The following ADAT2 variants were observed in gnomAD, a reference collection of about 807,000 sequenced individuals.
The protein encoded by ADAT2 is adenosine deaminase tRNA specific 2.
In ADAT2, 26 loss-of-function variants were observed where a neutral mutation model predicts 25.9. The ratio of observed to expected loss-of-function variants is 1.00; its 90% CI spans 0.74 to 1.39. The LOEUF (loss-of-function observed/expected upper bound fraction) is 1.39. ADAT2 is among the 40% of genes most tolerant of loss of function. ADAT2 has a pLI of 0.00. For synonymous variants in ADAT2, 76 were observed against 86.8 expected, an observed-to-expected ratio of 0.88 and a Z score of 0.69; for missense variants, 220 against 244.8, an observed-to-expected ratio of 0.90 and a Z score of 0.68.
rs894384648 is a variant in ADAT2 at position 143,426,541 on chromosome 6, A to G, written c.*1922T>C. 5 of 152,230 alleles carry G rather than the reference A, an allele frequency of 3.3e-5. No homozygotes were observed. Among genetic ancestry groups the G allele is most frequent in the African/African-American group, 1.2e-4 (5 of 41,454 alleles). 9.4% of individuals were successfully genotyped at this position (152,230 alleles called of 1,614,324 possible). A position where few individuals can be genotyped will look rare whatever the true frequency, so the allele number is the denominator to read the frequency against. ...TGTTCAGCTATGCTTCAGAATCAGG[A>G]AACACTACTTATCCATCATTCTCCA... On this transcript the variant is annotated 3_prime_UTR_variant, in exon 6 of 6. Coordinates refer to ENST00000237283, the MANE Select transcript of ADAT2 (RefSeq NM_182503.3). The surrounding 1 kb of genome is among the most constrained non-coding windows in gnomAD (Gnocchi z 4.1).
Position 143,438,690 on chromosome 6 carries a change from T to G in ADAT2, c.101A>C (p.Lys34Thr). The change falls in exon 2 of 6, where the codon AAA (lysine) becomes ACA (threonine). Residue 34 changes from lysine to threonine, a missense_variant. Transcript: ENST00000237283. ...KWMEEAMHMAKEALENTEVPV... is the reference protein window; with the variant it reads ...KWMEEAMHMATEALENTEVPV... The stretch of plus-strand genomic sequence containing the variant: ...AACTTCAGTATTTTCGAGGGCTTCT[T>G]TGGCCTGAAACACAAAGTGGAAAAT... The G allele has an allele frequency of 1.9e-6, 3 of 1,613,118 alleles. No individual in the cohort carries two copies. Among genetic ancestry groups the G allele is most frequent in the Non-Finnish European group, 2.5e-6 (3 of 1,179,206 alleles).
rs772622945 is a variant in ADAT2 at position 143,440,714 on chromosome 6, T to C, written c.97-2020A>G. Among the ~76,000 whole-genome samples, 1 of 152,132 alleles carries C rather than the reference T, an allele frequency of 6.6e-6. No homozygotes were observed. Among genetic ancestry groups the C allele is most frequent in the Non-Finnish European group, 1.5e-5 (1 of 68,020 alleles). On this transcript the variant is annotated intron_variant, in intron 1 of 5. Transcript: ENST00000237283. The surrounding 1 kb of genome is among the most constrained non-coding windows in gnomAD (Gnocchi z 4.5). ...TAGACAAATGCACCATAGGCTACTA[T>C]AGAGAAGAAAGCCAGGAAGAAGACG... is the stretch of plus-strand genomic sequence containing the variant.
At chr6:143,445,351 CATA>C (rs1185315066) in intron 1 of ADAT2, among the ~76,000 whole-genome samples, 1 of 151,998 alleles carries the variant, frequency 6.6e-6, no homozygotes, top group African/African-American at 2.4e-5. Flanking sequence ...GGCACACGCA[CATA>C]ATATTTTATA....
At position 143,424,227 on chromosome 6, in the gene ADAT2, C is replaced by T. The variant is rs1299598398; in HGVS notation, c.*4236G>A. ...TGGCAGTTGTCTTCATAGATGAAGT[C>T]AATGTAGTCTTATTCCTTTGCCAAA... On this transcript the variant is annotated 3_prime_UTR_variant, in exon 6 of 6. Transcript: ENST00000237283. The surrounding 1 kb of genome is among the most constrained non-coding windows in gnomAD (Gnocchi z 4.8). 1 of 152,172 alleles carries T rather than the reference C, an allele frequency of 6.6e-6. No homozygotes were observed. The highest frequency in any genetic ancestry group is 2.4e-5 in the African/African-American group (1 of 41,448). 9.4% of individuals were successfully genotyped at this position (152,172 alleles called of 1,614,324 possible).
chr6:143,447,950 T>C (rs1375968471), intron 1 of ADAT2, among the ~76,000 whole-genome samples: 1 of 152,186 alleles, frequency 6.6e-6, no homozygotes, highest in Non-Finnish European at 1.5e-5. Context: ...TGCACAAGAA[T>C]GTTTATTGAG....
chr6:143,444,829 G>A lies in ADAT2; in HGVS notation c.96+5734C>T. 5.6e-6 allele frequency: 5 copies of A among 892,702 alleles called. No individual in the cohort carries two copies. Among genetic ancestry groups the A allele is most frequent in the Non-Finnish European group, 7.6e-6 (5 of 658,296 alleles). 55.3% of individuals were successfully genotyped at this position (892,702 alleles called of 1,614,324 possible). On this transcript the variant is annotated intron_variant, in intron 1 of 5. Coordinates refer to ENST00000237283, the MANE Select transcript of ADAT2 (RefSeq NM_182503.3). The surrounding 1 kb of genome is among the most constrained non-coding windows in gnomAD (Gnocchi z 4.3). ...ATACAGATAATGAAAGCACCTAGAT[G>A]GAAGAGACTTCGTAGTTTATTATTT...
At chr6:143,441,277 T>C (rs1779448640) in intron 1 of ADAT2, among the ~76,000 whole-genome samples, 1 of 152,184 alleles carries the variant, frequency 6.6e-6, no homozygotes, top group Admixed American at 6.5e-5. Context: ...AAACCACATC[T>C]CTGGCAACAC....
rs879371862 is a variant in ADAT2 at position 143,425,988 on chromosome 6, C to T, written c.*2475G>A. 2.0e-5 allele frequency: 3 copies of T among 152,514 alleles called. No homozygotes were observed. The highest frequency in any genetic ancestry group is 4.4e-5 in the Non-Finnish European group (3 of 68,008). The allele number at this position is 152,514 out of a possible 1,614,324, so 9.4% of individuals were successfully genotyped here. On this transcript the variant is annotated 3_prime_UTR_variant, in exon 6 of 6. Coordinates refer to ENST00000237283, the MANE Select transcript of ADAT2 (RefSeq NM_182503.3). The stretch of plus-strand genomic sequence containing the variant: ...TGAAGCCTACCAAAGCATTACATAC[C>T]ACCCATTCTCCACAGTTTGTTGCAA...
chr6:143,428,813 G>T lies in ADAT2; in HGVS notation c.460-129C>A. 1.2e-6 allele frequency: 1 copy of T among 811,704 alleles called. No individual in the cohort carries two copies. Among genetic ancestry groups the T allele is most frequent in the Non-Finnish European group, 1.9e-6 (1 of 521,162 alleles). 50.3% of individuals were successfully genotyped at this position (811,704 alleles called of 1,614,324 possible). A position where few individuals can be genotyped will look rare whatever the true frequency, so the allele number is the denominator to read the frequency against. On this transcript the variant is annotated intron_variant, in intron 4 of 5. Coordinates refer to ENST00000237283, the MANE Select transcript of ADAT2 (RefSeq NM_182503.3). This position sits in a 1 kb window ranked among gnomAD's most constrained non-coding sequence, Gnocchi z 5.0. The stretch of plus-strand genomic sequence containing the variant: ...ATGTTAATAAACTTTGGGGATATTA[G>T]TAACATGGGTAAGGAGGTACACTTC...
Position 143,440,384 on chromosome 6 carries a change from C to G in ADAT2, c.97-1690G>C, listed in dbSNP as rs1360661499. ...TGACAACTTCCTATTATAAGGCATA[C>G]AGGATTTCCTCAGTTATTCCCACCA... On this transcript the variant is annotated intron_variant, in intron 1 of 5. Coordinates refer to ENST00000237283, the MANE Select transcript of ADAT2 (RefSeq NM_182503.3). This position sits in a 1 kb window ranked among gnomAD's most constrained non-coding sequence, Gnocchi z 4.5. 6.6e-6 allele frequency among the ~76,000 whole-genome samples: 1 copy of G among 152,194 alleles called. No individual in the cohort carries two copies. Among genetic ancestry groups the G allele is most frequent in the African/African-American group, 2.4e-5 (1 of 41,466 alleles).
intron 4 of ADAT2, among the ~76,000 whole-genome samples, chr6:143,429,007 T>C (rs908065710): frequency 6.9e-6 from 1 of 145,614 alleles, no homozygotes; most frequent in Non-Finnish European, 1.5e-5. Context: ...ATGCTGGCAA[T>C]AATAGCACTT....
At chr6:143,433,052 T>C (rs1338998390) in intron 3 of ADAT2, among the ~76,000 whole-genome samples, 1 of 152,222 alleles carries the variant, frequency 6.6e-6, no homozygotes, top group Non-Finnish European at 1.5e-5. Context: ...TTAGCCACTC[T>C]GTAAGGCAGG....
In ADAT2 at chr6:143,426,847, G is replaced by A. The variant is rs1447128808; in HGVS notation, c.*1616C>T. Reference sequence around the variant, plus strand: ...GGTACTCTAGAGAGGCAAAACTCCAGGTTGGTTGTCCTACAAATAATCCCC... The same window carrying A: ...GGTACTCTAGAGAGGCAAAACTCCAAGTTGGTTGTCCTACAAATAATCCCC... On this transcript the variant is annotated 3_prime_UTR_variant, in exon 6 of 6. Coordinates refer to ENST00000237283, the MANE Select transcript of ADAT2 (RefSeq NM_182503.3). The surrounding 1 kb of genome is among the most constrained non-coding windows in gnomAD (Gnocchi z 4.1). 1.3e-5 allele frequency: 2 copies of A among 152,072 alleles called. No homozygotes were observed. Among genetic ancestry groups the A allele is most frequent in the Non-Finnish European group, 2.9e-5 (2 of 68,030 alleles). The allele number at this position is 152,072 out of a possible 1,614,324, so 9.4% of individuals were successfully genotyped here.
At chr6:143,448,950 A>G (rs1779674419) in intron 1 of ADAT2, among the ~76,000 whole-genome samples, 1 of 152,202 alleles carries the variant, frequency 6.6e-6, no homozygotes, top group African/African-American at 2.4e-5. Context: ...TTACGTCGGA[A>G]AGTACTTAGA....
At chr6:143,435,347 G>A (rs912201396) in intron 2 of ADAT2, among the ~76,000 whole-genome samples, 3 of 152,210 alleles carry the variant, frequency 2.0e-5, no homozygotes, top group African/African-American at 7.2e-5. Flanking sequence ...CATACAGCTG[G>A]GAGAGGAGGT....
At chr6:143,445,088 G>A in intron 1 of ADAT2, 1 of 367,644 alleles carries the variant, frequency 2.7e-6, no homozygotes, top group Non-Finnish European at 4.7e-6. Flanking sequence ...TCTTCTGAGT[G>A]ATTACTCTCT....
chr6:143,429,866 A>G (rs143473815), intron 4 of ADAT2, among the ~76,000 whole-genome samples: 25 of 152,270 alleles, frequency 1.6e-4, no homozygotes, highest in Non-Finnish European at 2.9e-4. Flanking sequence ...GGCCTCCGAC[A>G]CCTGCATAAA....
In ADAT2 at chr6:143,446,985, A is replaced by T. The variant is rs975580981; in HGVS notation, c.96+3578T>A. Among the ~76,000 whole-genome samples the T allele has an allele frequency of 1.3e-5, 2 of 152,222 alleles. No individual in the cohort carries two copies. The highest frequency in any genetic ancestry group is 2.9e-5 in the Non-Finnish European group (2 of 68,042). On this transcript the variant is annotated intron_variant, in intron 1 of 5. Transcript: ENST00000237283. This position sits in a 1 kb window ranked among gnomAD's most constrained non-coding sequence, Gnocchi z 5.0. ...TTTAGAATGTTATGCTGAACATGTTATGATGATTAAAATGATAACCTATGA... is the reference window on the plus strand; with the variant it reads ...TTTAGAATGTTATGCTGAACATGTTTTGATGATTAAAATGATAACCTATGA...
In ADAT2 at chr6:143,443,846, T is replaced by TA. The variant is rs943569365; in HGVS notation, c.97-5153dup. Among the ~76,000 whole-genome samples the TA allele has an allele frequency of 7.5e-3, 1,048 of 138,920 alleles. 15 individuals carry two copies. The highest frequency in any genetic ancestry group is 0.024 in the African/African-American group (898 of 38,018). 91.1% of individuals were successfully genotyped at this position (138,920 alleles called of 152,430 possible). A position where few individuals can be genotyped will look rare whatever the true frequency, so the allele number is the denominator to read the frequency against. ...ACTCTGTCTTAAAAAAAAAAAAAGTTAAAAAAAAAAACAAAAACGGCAAGA... is the reference window on the plus strand; with the variant it reads ...ACTCTGTCTTAAAAAAAAAAAAAGTTAAAAAAAAAAAACAAAAACGGCAAGA... On this transcript the variant is annotated intron_variant, in intron 1 of 5. Coordinates refer to ENST00000237283, the MANE Select transcript of ADAT2 (RefSeq NM_182503.3).
Sources: allele counts gnomAD v4.1 joint callset (sites outside exome capture counted in the v4.1 genomes callset), GRCh38; gene constraint gnomAD v4.1.1; non-coding constraint Gnocchi (gnomAD v3.1); transcripts MANE v1.5; gene names NCBI Gene and HGNC (gene_info 2026-07-23, HGNC 2026-07-21).